The following ARL6IP1 variants were observed in gnomAD, a reference collection of about 807,000 sequenced individuals.
ARL6IP1 encodes ADP-ribosylation factor-like protein 6-interacting protein 1.
A neutral mutation model predicts 30.1 loss-of-function variants in ARL6IP1; 16 were observed. That is an observed-to-expected ratio of 0.53 (90% CI 0.36 to 0.81). The LOEUF (loss-of-function observed/expected upper bound fraction) is 0.81, where lower values mean the gene tolerates loss of function less well. Among genes scored for constraint, ARL6IP1 ranks in the 30% least tolerant of loss-of-function variants. The pLI, the probability that ARL6IP1 is intolerant of heterozygous loss-of-function variation, is 0.01. For missense variants in ARL6IP1, 173 were observed against 242.7 expected, an observed-to-expected ratio of 0.71 and a Z score of 1.91; for synonymous variants, 72 against 84.8, an observed-to-expected ratio of 0.85 and a Z score of 0.83.
chr16:18,794,766 G>A, intron 4 of ARL6IP1, 83 bp from the exon 5 acceptor site: 2 of 1,006,142 alleles, frequency 2.0e-6, no homozygotes, highest in Admixed American at 2.3e-5. Context: ...AATTAAAGAA[G>A]AATGTGTTTC....
intron 3 of ARL6IP1, among the ~76,000 whole-genome samples, chr16:18,795,824 A>G (rs2030215408): frequency 6.6e-6 from 1 of 152,096 alleles, no homozygotes; most frequent in Non-Finnish European, 1.5e-5. Flanking sequence ...TGTGATAAAG[A>G]AAGGATCATC....
chr16:18,801,324 G>A, intron 1 of ARL6IP1, 107 bp downstream of exon 1: 1 of 1,548,294 alleles, frequency 6.5e-7, no homozygotes, highest in Non-Finnish European at 8.7e-7. Flanking sequence ...CCCAGGGAGA[G>A]AAGGGCCGGG....
At chr16:18,801,356 G>C in intron 1 of ARL6IP1, 75 bp downstream of exon 1, 3 of 1,587,012 alleles carry the variant, frequency 1.9e-6, no homozygotes, top group Non-Finnish European at 2.6e-6. Flanking sequence ...TGACAGGGAC[G>C]AGGCCGCGGT....
In ARL6IP1 at chr16:18,792,697, G is replaced by A. The variant is rs1026715685; in HGVS notation, c.*555C>T. The A allele has an allele frequency of 2.6e-5, 4 of 152,626 alleles. No homozygotes were observed. Among genetic ancestry groups the A allele is most frequent in the Admixed American group, 2.6e-4 (4 of 15,274 alleles). 9.5% of individuals were successfully genotyped at this position (152,626 alleles called of 1,614,324 possible). ...AGAAGCCTACATGTACTAGTGCATG[G>A]AATCAGTTTCATCTTATTTCATGGG... On this transcript the variant is annotated 3_prime_UTR_variant, in exon 6 of 6. Transcript: ENST00000304414.
chr16:18,801,534 A>G lies in ARL6IP1; in HGVS notation c.-68T>C, dbSNP rs1041038270. On this transcript the variant is annotated 5_prime_UTR_variant, in exon 1 of 6. Coordinates refer to ENST00000304414, the MANE Select transcript of ARL6IP1 (RefSeq NM_015161.3). Reference sequence around the variant, plus strand: ...AACGAGTCCTCCAACCGAAACCCGCACACCAACCACAACCCGAGGGAACGC... The same window carrying G: ...AACGAGTCCTCCAACCGAAACCCGCGCACCAACCACAACCCGAGGGAACGC... The G allele has an allele frequency of 1.9e-6, 3 of 1,582,254 alleles. No homozygotes were observed. In the East Asian group the frequency reaches 6.8e-5, roughly 36 times the overall value.
intron 1 of ARL6IP1, 26 bp downstream of exon 1, chr16:18,801,405 C>G: frequency 6.2e-7 from 1 of 1,612,108 alleles, no homozygotes; most frequent in East Asian, 2.2e-5. Flanking sequence ...CGCTCGGCTC[C>G]CGGGGGACAG....
In ARL6IP1 at chr16:18,801,441, G is replaced by A. The variant is rs747185659; in HGVS notation, c.26C>T (p.Thr9Ile). The A allele has an allele frequency of 1.2e-6, 2 of 1,613,020 alleles. No homozygotes were observed. Among genetic ancestry groups the A allele is most frequent in the Non-Finnish European group, 8.5e-7 (1 of 1,179,752 alleles). Residue 9 changes from threonine (T) to isoleucine (I), a missense_variant, in exon 1 of 6, where the codon ACC becomes ATC. Coordinates refer to ENST00000304414, the MANE Select transcript of ARL6IP1 (RefSeq NM_015161.3). MAEGDNRS[T>I]NLLAAETASL... ...GCAGCCAGGACTCACCAGCAGGTTG[G>A]TGCTGCGATTATCTCCCTCCGCCAT...
At position 18,794,664 on chromosome 16, in the gene ARL6IP1, A is replaced by C; in HGVS notation, c.428T>G (p.Val143Gly). 6.2e-7 allele frequency: 1 copy of C among 1,613,264 alleles called. No individual in the cohort carries two copies. Among genetic ancestry groups the C allele is most frequent in the Non-Finnish European group, 8.5e-7 (1 of 1,179,476 alleles). ...CACCCAAGCAACCGCAGCAAGGGAA[A>C]CGATCATGGTCATGAAGTACTAGCA... The part of the protein sequence containing the change: ...KPKMYFMTMI[V>G]SLAAVAWVGQ... Residue 143 changes from valine (V) to glycine (G), a missense_variant, in exon 5 of 6, where the codon GTT becomes GGT. By Grantham distance (109) the Val-to-Gly change is moderately radical (BLOSUM62 -3). Coordinates refer to ENST00000304414, the MANE Select transcript of ARL6IP1 (RefSeq NM_015161.3).
chr16:18,794,321 T>C (rs113418851), intron 5 of ARL6IP1, among the ~76,000 whole-genome samples: 25 of 152,300 alleles, frequency 1.6e-4, no homozygotes, highest in African/African-American at 5.8e-4. Context: ...CAACATGAAA[T>C]CAATTACTTC....
chr16:18,797,343 C>G (rs1203262554), intron 3 of ARL6IP1, among the ~76,000 whole-genome samples: 1 of 148,282 alleles, frequency 6.7e-6, no homozygotes, highest in Admixed American at 6.8e-5. Context: ...CAAGAGCGTA[C>G]TGCACTCCAG....
At chr16:18,798,894 T>A in intron 1 of ARL6IP1, 60 bp from the exon 2 acceptor site, 1 of 1,485,452 alleles carries the variant, frequency 6.7e-7, no homozygotes, top group Non-Finnish European at 9.0e-7. Flanking sequence ...TTGTGGTTCA[T>A]AGACTTCAAT....
chr16:18,801,305 C>T, intron 1 of ARL6IP1, 126 bp downstream of exon 1: 1 of 1,511,974 alleles, frequency 6.6e-7, no homozygotes, highest in Non-Finnish European at 8.9e-7. Flanking sequence ...GGCCAGGCAT[C>T]GTCGCCTGCC....
intron 3 of ARL6IP1, among the ~76,000 whole-genome samples, chr16:18,796,403 A>G (rs2030232775): frequency 6.6e-6 from 1 of 152,194 alleles, no homozygotes; most frequent in Admixed American, 6.5e-5. Flanking sequence ...CAACAATGAG[A>G]TGTTATTTCT....
intron 5 of ARL6IP1, 150 bp from the exon 6 acceptor site, chr16:18,793,520 C>T: frequency 1.9e-6 from 1 of 536,618 alleles, no homozygotes; most frequent in Non-Finnish European, 3.3e-6. Context: ...CAACCTCCGC[C>T]TCCCAGGTTC....
chr16:18,795,787 G>A (rs951491092), intron 3 of ARL6IP1, among the ~76,000 whole-genome samples: 2 of 150,722 alleles, frequency 1.3e-5, no homozygotes, highest in African/African-American at 4.9e-5. Context: ...CTATGTGTGT[G>A]AGAGAGAGAG....
intron 1 of ARL6IP1, among the ~76,000 whole-genome samples, chr16:18,801,018 A>G (rs1053165674): frequency 6.6e-6 from 1 of 152,196 alleles, no homozygotes; most frequent in Admixed American, 6.5e-5. Flanking sequence ...CCCTTGTCCA[A>G]GTTTTAGGGG....
intron 1 of ARL6IP1, among the ~76,000 whole-genome samples, chr16:18,799,688 CA>C (rs2030351376): frequency 6.6e-6 from 1 of 152,102 alleles, no homozygotes; most frequent in Non-Finnish European, 1.5e-5. Flanking sequence ...ATTCATTGGA[CA>C]ATTAAGGAAA....
chr16:18,795,615 A>T, intron 3 of ARL6IP1, 34 bp from the exon 4 acceptor site: 1 of 1,468,732 alleles, frequency 6.8e-7, no homozygotes, highest in Non-Finnish European at 9.5e-7. Flanking sequence ...CTATAAACAA[A>T]TCGTTACAGT....
chr16:18,798,753 C>T lies in ARL6IP1; in HGVS notation c.118G>A (p.Glu40Lys). ...MLMADKVLRW[E>K]RAWFPPAIMG... ...ATGGCAGGTGGAAACCAGGCTCTTT[C>T]CCATCGGAGGACTTTATCAGCCATC... is the stretch of plus-strand genomic sequence containing the variant. The change falls in exon 2 of 6, where the codon GAA (glutamate) becomes AAA (lysine). Residue 40 changes from glutamate to lysine, a missense_variant. Glu to Lys is a moderately conservative substitution (Grantham distance 56). Transcript: ENST00000304414. 3 of 1,614,194 alleles carry T rather than the reference C, an allele frequency of 1.9e-6. No homozygotes were observed. The highest frequency in any genetic ancestry group is 2.5e-6 in the Non-Finnish European group (3 of 1,180,036).
Sources: allele counts gnomAD v4.1 joint callset (sites outside exome capture counted in the v4.1 genomes callset), GRCh38; gene constraint gnomAD v4.1.1; transcripts MANE v1.5; gene names NCBI Gene and HGNC (gene_info 2026-07-23, HGNC 2026-07-21).